Variants in NNT observed in about 807,000 individuals in gnomAD.
NNT encodes nicotinamide nucleotide transhydrogenase.
Under a neutral mutation model 104.8 loss-of-function variants are expected in NNT, and 50 were observed. The ratio of observed to expected loss-of-function variants is 0.48; its 90% CI spans 0.38 to 0.60. The LOEUF is 0.60. Ranked by LOEUF, NNT falls within the 20% of genes least tolerant of loss-of-function variation. The pLI is 0.00. For missense variants in NNT, 1,131 were observed against 1,330.7 expected, an observed-to-expected ratio of 0.85 and a Z score of 2.33; for synonymous variants, 461 against 490.4, an observed-to-expected ratio of 0.94 and a Z score of 0.79.
intron 4 of NNT, among the ~76,000 whole-genome samples, chr5:43,618,037 A>G (rs912850420): frequency 5.9e-5 from 9 of 152,236 alleles, no homozygotes; most frequent in African/African-American, 2.2e-4. Context: ...TATATTACCA[A>G]GTAAGAATGC....
Position 43,675,558 on chromosome 5 carries a change from C to T in NNT, c.2682C>T (p.Thr894=), listed in dbSNP as rs755699703. Residue 894 remains threonine (T), a synonymous_variant, in exon 18 of 22, where the codon ACC becomes ACT. Transcript: ENST00000344920. ...LANVILGGYG[T]TSTAGGKPME... ...ATGTGATTCTTGGAGGCTATGGCAC[C>T]ACTTCAACAGCTGGTGGAAAACCCA... 1.7e-5 allele frequency: 28 copies of T among 1,613,200 alleles called. No homozygotes were observed. Among genetic ancestry groups the T allele is most frequent in the Non-Finnish European group, 2.4e-5 (28 of 1,179,762 alleles).
chr5:43,667,273 C>T, intron 17 of NNT: 1 of 729,698 alleles, frequency 1.4e-6, no homozygotes, highest in Admixed American at 2.2e-5. Context: ...GCCTAGAACC[C>T]TATTTTTTAT....
intron 20 of NNT, among the ~76,000 whole-genome samples, chr5:43,701,453 T>C (rs1742846417): frequency 6.6e-6 from 1 of 152,182 alleles, no homozygotes; most frequent in Non-Finnish European, 1.5e-5. Flanking sequence ...ATGGCACATA[T>C]GTACCATATT....
chr5:43,639,628 G>A (rs528198282), intron 7 of NNT, among the ~76,000 whole-genome samples: 1 of 152,192 alleles, frequency 6.6e-6, no homozygotes, highest in East Asian at 1.9e-4. Context: ...CCCTGCATAT[G>A]GGAGGCACTA....
intron 16 of NNT, among the ~76,000 whole-genome samples, chr5:43,658,140 A>G (rs912236598): frequency 6.6e-6 from 1 of 152,188 alleles, no homozygotes; most frequent in Non-Finnish European, 1.5e-5. Context: ...GTCTCAAAAA[A>G]AAAGAAAGAA....
chr5:43,677,701 C>T, intron 18 of NNT, 24 bp from the exon 19 acceptor site: 1 of 1,588,766 alleles, frequency 6.3e-7, no homozygotes, highest in Non-Finnish European at 8.6e-7. Context: ...ACACATTCTT[C>T]TGTGTTCTTA....
chr5:43,617,464 C>A lies in NNT; in HGVS notation c.599+1399C>A, dbSNP rs189064329. 3.3e-5 allele frequency among the ~76,000 whole-genome samples: 5 copies of A among 152,136 alleles called. No homozygotes were observed. The East Asian group carries it at 9.6e-4, about 29-fold the overall frequency. Reference sequence around the variant, plus strand: ...AATTTGAGGAATCACTCTTCTATGTCCTGAGCTGATATATGCAGAGAGCAT... The same window carrying A: ...AATTTGAGGAATCACTCTTCTATGTACTGAGCTGATATATGCAGAGAGCAT... On this transcript the variant is annotated intron_variant, in intron 4 of 21. Coordinates refer to ENST00000344920, the MANE Select transcript of NNT (RefSeq NM_182977.3).
rs192687685 is a variant in NNT at position 43,667,123 on chromosome 5, G to A, written c.2634+7773G>A. On this transcript the variant is annotated intron_variant, in intron 17 of 21. Transcript: ENST00000344920. ...AAAGTGCATGTTCCTCAGGAACTTG[G>A]GGTCCACCCCCTTAAGAGATTCGTA... 681 of 1,509,856 alleles carry A rather than the reference G, an allele frequency of 4.5e-4. 3 individuals carry two copies. The African/African-American group carries it at 8.3e-3, about 18-fold the overall frequency. 93.5% of individuals were successfully genotyped at this position (1,509,856 alleles called of 1,614,324 possible).
chr5:43,663,495 T>C (rs1237094041), intron 17 of NNT, among the ~76,000 whole-genome samples: 3 of 152,228 alleles, frequency 2.0e-5, no homozygotes, highest in African/African-American at 7.2e-5. Context: ...AATTATCTTT[T>C]CTTCTACAAT....
chr5:43,655,756 T>A, intron 14 of NNT, 84 bp from the exon 15 acceptor site: 1 of 923,936 alleles, frequency 1.1e-6, no homozygotes, highest in Non-Finnish European at 1.7e-6. Flanking sequence ...GTGACAATGG[T>A]GGAAATCCTT....
At chr5:43,645,675 CTCTCTCTCTATATATA>C (rs1561286450) in intron 10 of NNT, 165 bp downstream of exon 10, 4 of 90,394 alleles carry the variant, frequency 4.4e-5, no homozygotes, top group African/African-American at 1.4e-4. Flanking sequence ...CTCTCTCTCT[CTCTCTCTCTATATATA>C]TATATATATA....
At chr5:43,658,382 T>G (rs1257468919) in intron 16 of NNT, among the ~76,000 whole-genome samples, 1 of 152,196 alleles carries the variant, frequency 6.6e-6, no homozygotes, top group East Asian at 1.9e-4. Context: ...TTTCCTTTCA[T>G]GTGTTTAGTA....
At chr5:43,676,940 G>A (rs372883596) in intron 18 of NNT, among the ~76,000 whole-genome samples, 2 of 152,040 alleles carry the variant, frequency 1.3e-5, no homozygotes, top group Admixed American at 6.6e-5. Flanking sequence ...GAAAAAATGG[G>A]GATAGAAAAG....
intron 17 of NNT, among the ~76,000 whole-genome samples, chr5:43,667,514 A>G (rs1037342889): frequency 1.3e-5 from 2 of 151,828 alleles, no homozygotes; most frequent in Admixed American, 6.6e-5. Flanking sequence ...GAGAACATGC[A>G]GTGTTTGGTT....
chr5:43,696,157 G>A (rs973626667), intron 19 of NNT, among the ~76,000 whole-genome samples: 8 of 152,104 alleles, frequency 5.3e-5, no homozygotes, highest in African/African-American at 1.7e-4. Context: ...TTCTGCCTAT[G>A]AGCCTGTAAA....
At chr5:43,605,493 G>C (rs56007449) in intron 1 of NNT, among the ~76,000 whole-genome samples, 2 of 131,764 alleles carry the variant, frequency 1.5e-5, no homozygotes, top group Non-Finnish European at 3.1e-5. Context: ...TCCGCAGTCC[G>C]GCCTGGGCGA....
chr5:43,669,742 CT>C (rs1438913421), intron 17 of NNT, among the ~76,000 whole-genome samples: 1 of 152,080 alleles, frequency 6.6e-6, no homozygotes, highest in Non-Finnish European at 1.5e-5. Context: ...CTAAAATTCT[CT>C]TTTTTTGTTG....
At chr5:43,661,641 A>G (rs924619950) in intron 17 of NNT, among the ~76,000 whole-genome samples, 1 of 137,202 alleles carries the variant, frequency 7.3e-6, no homozygotes. Context: ...ATTCCCACCT[A>G]TGAGTGAGAA....
At chr5:43,634,733 TC>T (rs1479500409) in intron 7 of NNT, among the ~76,000 whole-genome samples, 1 of 152,184 alleles carries the variant, frequency 6.6e-6, no homozygotes, top group African/African-American at 2.4e-5. Flanking sequence ...ACACACCTCT[TC>T]GTAGCTTTCA....
Sources: gnomAD v4.1 joint callset for allele counts (sites outside exome capture counted in the v4.1 genomes callset) on GRCh38, gnomAD v4.1.1 for gene constraint, MANE v1.5 for transcripts, NCBI Gene and HGNC (gene_info 2026-07-23, HGNC 2026-07-21) for gene names.